Variants in WHRN observed in about 807,000 individuals in gnomAD.
WHRN encodes the protein CASK-interacting protein CIP98.
WHRN carries 41 observed loss-of-function variants against 68.3 expected under a neutral mutation model. The observed-to-expected ratio is 0.60, with a 90% CI of 0.47 to 0.78. The LOEUF is 0.78. WHRN is among the 30% of genes least tolerant of loss of function. The probability of loss-of-function intolerance (pLI) is 0.00; values close to 1 mark genes in which losing one functional copy is unlikely to be tolerated. For synonymous variants in WHRN, 560 were observed against 561.3 expected (o/e 1.00, Z 0.03); for missense variants, 1,243 against 1,244.7 (o/e 1.00, Z 0.02).
Position 114,402,772 on chromosome 9 carries a change from C to A in WHRN, c.2706G>T (p.Glu902Asp), listed in dbSNP as rs750031988. The change falls in exon 12 of 12, where the codon GAG (glutamate) becomes GAT (aspartate). Residue 902 changes from glutamate (E) to aspartate (D), a missense_variant. Transcript: ENST00000362057. ...DRDYIDFLVTEFNVML is the reference protein window; with the variant it reads ...DRDYIDFLVTDFNVML ...TTGGCCTCTAGAGCATCACATTGAACTCAGTGACCAGAAAGTCAATGTAGT... is the reference window on the plus strand; with the variant it reads ...TTGGCCTCTAGAGCATCACATTGAAATCAGTGACCAGAAAGTCAATGTAGT... The A allele has an allele frequency of 6.2e-7, 1 of 1,614,028 alleles. No homozygotes were observed. Among genetic ancestry groups the A allele is most frequent in the South Asian group, 1.1e-5 (1 of 91,086 alleles).
chr9:114,485,304 G>C (rs1842391256), intron 1 of WHRN, among the ~76,000 whole-genome samples: 1 of 152,250 alleles, frequency 6.6e-6, no homozygotes, highest in Admixed American at 6.5e-5. Context: ...TGTGTGTTCA[G>C]ACACACCGGA....
intron 1 of WHRN, among the ~76,000 whole-genome samples, chr9:114,488,823 C>T (rs137941375): frequency 1.1e-4 from 16 of 152,336 alleles, no homozygotes; most frequent in African/African-American, 3.8e-4. Flanking sequence ...TTACCTCTTA[C>T]AGGGACCACT....
intron 11 of WHRN, 113 bp downstream of exon 11, chr9:114,403,104 A>G: frequency 6.4e-7 from 1 of 1,558,512 alleles, no homozygotes; most frequent in Non-Finnish European, 8.8e-7. Flanking sequence ...ACATAAGCCT[A>G]GGTCTGCCCT....
At chr9:114,502,210 C>G (rs932476093) in intron 1 of WHRN, among the ~76,000 whole-genome samples, 1 of 152,152 alleles carries the variant, frequency 6.6e-6, no homozygotes, top group Non-Finnish European at 1.5e-5. Flanking sequence ...GGGGCAAGAG[C>G]TCATTTTGCC....
Position 114,457,925 on chromosome 9 carries a change from A to AG in WHRN, c.963+8341_963+8342insC, listed in dbSNP as rs1839944569. ...AGCCAGACTCTGTTCAAAAAAAAAA[A>AG]AAAAAAGTGGGCATGAGTTTAAGCA... On this transcript the variant is annotated intron_variant, in intron 3 of 11. Coordinates refer to ENST00000362057, the MANE Select transcript of WHRN (RefSeq NM_015404.4). Among the ~76,000 whole-genome samples the AG allele has an allele frequency of 2.6e-5, 4 of 152,020 alleles. 1 individual carries two copies. The highest frequency in any genetic ancestry group is 1.3e-4 in the Admixed American group (2 of 15,258).
chr9:114,426,010 G>C, intron 4 of WHRN: 1 of 668,620 alleles, frequency 1.5e-6, no homozygotes, highest in South Asian at 1.7e-5. Flanking sequence ...GTTGGATGGT[G>C]TATTTCAGCT....
intron 3 of WHRN, among the ~76,000 whole-genome samples, chr9:114,456,119 T>C (rs1319311161): frequency 1.4e-5 from 1 of 73,062 alleles, no homozygotes; most frequent in Non-Finnish European, 2.8e-5. Flanking sequence ...GTATTGAGAA[T>C]GTGTAAAAAA....
chr9:114,455,183 A>G (rs1026572593), intron 3 of WHRN, among the ~76,000 whole-genome samples: 5 of 151,560 alleles, frequency 3.3e-5, no homozygotes, highest in African/African-American at 1.2e-4. Flanking sequence ...AGACTTTATT[A>G]AAATGAAAAA....
intron 7 of WHRN, among the ~76,000 whole-genome samples, chr9:114,413,009 G>A (rs936639612): frequency 6.6e-6 from 1 of 152,190 alleles, no homozygotes; most frequent in Non-Finnish European, 1.5e-5. Context: ...TTGGGCTTCT[G>A]TACTTCTGTC....
intron 2 of WHRN, among the ~76,000 whole-genome samples, chr9:114,470,107 G>T (rs889696232): frequency 1.3e-5 from 2 of 152,166 alleles, no homozygotes; most frequent in African/African-American, 4.8e-5. Context: ...GCTATATAAG[G>T]GTTCCACTCA....
intron 3 of WHRN, among the ~76,000 whole-genome samples, chr9:114,442,065 C>G (rs991299101): frequency 6.6e-6 from 1 of 152,042 alleles, no homozygotes; most frequent in African/African-American, 2.4e-5. Flanking sequence ...TCAGATATCC[C>G]AAATAGAGAA....
intron 3 of WHRN, among the ~76,000 whole-genome samples, chr9:114,454,046 A>C (rs1839564073): frequency 6.6e-6 from 1 of 152,228 alleles, no homozygotes; most frequent in Admixed American, 6.5e-5. Context: ...TAAAAGAGAA[A>C]AGCCATATGA....
chr9:114,498,690 CCA>C (rs1843669755), intron 1 of WHRN, among the ~76,000 whole-genome samples: 1 of 152,172 alleles, frequency 6.6e-6, no homozygotes, highest in African/African-American at 2.4e-5. Flanking sequence ...GTGACATCTG[CCA>C]CACTTTCTAG....
chr9:114,460,651 C>A (rs1486012164), intron 3 of WHRN, among the ~76,000 whole-genome samples: 4 of 152,164 alleles, frequency 2.6e-5, no homozygotes. Flanking sequence ...CTTCCCAGGG[C>A]AAATGCTGAG....
At chr9:114,466,204 A>C (rs562141855) in intron 3 of WHRN, 63 bp downstream of exon 3, 1 of 1,609,554 alleles carries the variant, frequency 6.2e-7, no homozygotes, top group Admixed American at 1.7e-5. Context: ...CTGGAGGTCT[A>C]TTTAAAATCA....
At chr9:114,489,073 T>C (rs1039579330) in intron 1 of WHRN, among the ~76,000 whole-genome samples, 3 of 152,196 alleles carry the variant, frequency 2.0e-5, no homozygotes, top group African/African-American at 7.2e-5. Flanking sequence ...CAAGCTCTTC[T>C]CCACTTCAGG....
In WHRN at chr9:114,403,246, G is replaced by T. The variant is rs141727030; in HGVS notation, c.2512C>A (p.Gln838Lys). Residue 838 changes from glutamine (Q) to lysine (K), a missense_variant, in exon 11 of 12, where the codon CAG becomes AAG. By Grantham distance (53) the Gln-to-Lys change is moderately conservative. Transcript: ENST00000362057. ...ATAGTGACAATCCTAGGCAGGGGCTGGCGGGTGTTGGCGCCACCCTCGATG... is the reference window on the plus strand; with the variant it reads ...ATAGTGACAATCCTAGGCAGGGGCTTGCGGGTGTTGGCGCCACCCTCGATG... Reference protein sequence around the residue: ...IAIEGGANTRQPLPRIVTIQR... With the variant: ...IAIEGGANTRKPLPRIVTIQR... The T allele has an allele frequency of 6.2e-7, 1 of 1,614,074 alleles. No individual in the cohort carries two copies. The highest frequency in any genetic ancestry group is 8.5e-7 in the Non-Finnish European group (1 of 1,180,044).
intron 1 of WHRN, among the ~76,000 whole-genome samples, chr9:114,484,061 C>T (rs1308543222): frequency 6.6e-6 from 1 of 152,184 alleles, no homozygotes; most frequent in African/African-American, 2.4e-5. Context: ...GAACCAGATC[C>T]AGAGCCTGGG....
intron 3 of WHRN, among the ~76,000 whole-genome samples, chr9:114,463,618 A>G (rs56270150): frequency 0.037 from 5,582 of 152,292 alleles, 358 homozygotes; most frequent in African/African-American, 0.13. Context: ...CATGATGTCA[A>G]CACTAGAGGA....
Sources: allele counts gnomAD v4.1 joint callset (sites outside exome capture counted in the v4.1 genomes callset), GRCh38; gene constraint gnomAD v4.1.1; transcripts MANE v1.5; gene names NCBI Gene and HGNC (gene_info 2026-07-23, HGNC 2026-07-21).